Variants in STX18 observed in about 807,000 individuals in gnomAD.
STX18 encodes the protein syntaxin 18.
A neutral mutation model predicts 50.1 loss-of-function variants in STX18; 40 were observed. The ratio of observed to expected loss-of-function variants is 0.80; its 90% confidence interval spans 0.62 to 1.04. The LOEUF (loss-of-function observed/expected upper bound fraction) is 1.04. STX18 is among the 50% of genes least tolerant of loss of function. The pLI, the probability that STX18 is intolerant of heterozygous loss-of-function variation, is 0.00. For synonymous variants in STX18, 158 were observed against 151.8 expected (o/e 1.04, Z -0.30); for missense variants, 410 against 415.8 (o/e 0.99, Z 0.12).
rs142855889 is a variant in STX18, at chr4:4,541,893, T to C, written c.72A>G (p.Gly24=). 5.6e-4 allele frequency: 894 copies of C among 1,610,684 alleles called. 2 individuals are homozygous for C. The African/African-American group carries it at 9.6e-3, about 17-fold the overall frequency. Residue 24 remains glycine (G), a synonymous_variant, in exon 1 of 11, where the codon GGA becomes GGG. Coordinates refer to ENST00000306200, the MANE Select transcript of STX18 (RefSeq NM_016930.4). ...CATCGACCCCGCCGCCCACCGCCAC[T>C]CCCAGCGCCTTGTTCCGCGTCTTCA... is the stretch of plus-strand genomic sequence containing the variant. ...KTVKTRNKAL[G]VAVGGGVDGS...
intron 1 of STX18, among the ~76,000 whole-genome samples, chr4:4,519,621 G>C (rs1019679509): frequency 3.3e-5 from 5 of 152,222 alleles, no homozygotes; most frequent in African/African-American, 9.6e-5. Flanking sequence ...GAGAAGAACT[G>C]AACACTATAT....
intron 1 of STX18, among the ~76,000 whole-genome samples, chr4:4,535,542 TTCC>T (rs1218449065): frequency 1.3e-5 from 2 of 151,896 alleles, no homozygotes; most frequent in Non-Finnish European, 2.9e-5. Context: ...TTCCTAGGGG[TTCC>T]TCAAGGAGAG....
chr4:4,513,900 T>TC (rs1484699135), intron 1 of STX18, among the ~76,000 whole-genome samples: 4 of 152,170 alleles, frequency 2.6e-5, no homozygotes, highest in Non-Finnish European at 1.5e-5. Context: ...TGTGATTTCT[T>TC]CCCCTTTTAA....
chr4:4,508,865 C>T (rs1249956673), intron 1 of STX18, among the ~76,000 whole-genome samples: 3 of 152,346 alleles, frequency 2.0e-5, no homozygotes, highest in Admixed American at 1.3e-4. Context: ...CTTCCAACTC[C>T]ATCCATGTCC....
chr4:4,446,733 T>TA (rs1288901337), intron 5 of STX18, among the ~76,000 whole-genome samples: 1 of 151,538 alleles, frequency 6.6e-6, no homozygotes, highest in African/African-American at 2.4e-5. Flanking sequence ...CTGGAAAACT[T>TA]AAGACAGTTT....
At chr4:4,434,629 G>T in intron 7 of STX18, 141 bp downstream of exon 7, 1 of 636,152 alleles carries the variant, frequency 1.6e-6, no homozygotes, top group Non-Finnish European at 2.6e-6. Flanking sequence ...AAATGGGAAA[G>T]TGTATATAAA....
chr4:4,442,098 G>GT (rs1726137184), intron 5 of STX18, among the ~76,000 whole-genome samples: 1 of 152,102 alleles, frequency 6.6e-6, no homozygotes, highest in Non-Finnish European at 1.5e-5. Context: ...ACCAAGTGTG[G>GT]TATTAGAGCA....
chr4:4,433,934 C>T (rs1219063346), intron 7 of STX18, among the ~76,000 whole-genome samples: 1 of 152,344 alleles, frequency 6.6e-6, no homozygotes, highest in East Asian at 1.9e-4. Context: ...GGGCAAGACC[C>T]TTTGCTGCCT....
chr4:4,504,670 C>G (rs1434058332), intron 1 of STX18, among the ~76,000 whole-genome samples: 2 of 152,122 alleles, frequency 1.3e-5, no homozygotes, highest in African/African-American at 4.8e-5. Context: ...CTTGAACAGA[C>G]ACTTCACTAA....
intron 1 of STX18, among the ~76,000 whole-genome samples, chr4:4,508,425 G>T (rs1472685481): frequency 1.3e-5 from 2 of 152,034 alleles, no homozygotes; most frequent in Admixed American, 1.3e-4. Context: ...GTTGCACAAA[G>T]ATTATATATA....
chr4:4,507,574 T>C (rs1201079676), intron 1 of STX18: 2 of 763,740 alleles, frequency 2.6e-6, no homozygotes, highest in African/African-American at 1.7e-5. Flanking sequence ...CTGACAGCTG[T>C]GCACGACGCA....
At chr4:4,531,326 C>T (rs532098278) in intron 1 of STX18, among the ~76,000 whole-genome samples, 8 of 152,274 alleles carry the variant, frequency 5.3e-5, no homozygotes, top group Non-Finnish European at 1.0e-4. Context: ...GTACACAATA[C>T]GTGTTTCTAT....
intron 1 of STX18, among the ~76,000 whole-genome samples, chr4:4,494,043 TTTAGGATTTTATCTCAAAGTC>T (rs1729062195): frequency 6.6e-6 from 1 of 152,228 alleles, no homozygotes; most frequent in African/African-American, 2.4e-5. Context: ...GGTGGTATCC[TTTAGGATTTTATCTCAAAGTC>T]TTACACTGGG....
chr4:4,455,068 A>T (rs59766460), intron 5 of STX18, among the ~76,000 whole-genome samples: 3,745 of 152,348 alleles, frequency 0.025, 150 homozygotes, highest in African/African-American at 0.085. Context: ...CAACCTGCTC[A>T]AAGTCACACA....
At chr4:4,484,724 TC>T (rs559532338) in intron 1 of STX18, among the ~76,000 whole-genome samples, 84 of 152,250 alleles carry the variant, frequency 5.5e-4, no homozygotes, top group Non-Finnish European at 1.1e-3. Flanking sequence ...AATATTCTCC[TC>T]CCCTACCTGC....
At chr4:4,506,478 A>C (rs1167324381) in intron 1 of STX18, among the ~76,000 whole-genome samples, 1 of 152,236 alleles carries the variant, frequency 6.6e-6, no homozygotes, top group Non-Finnish European at 1.5e-5. Context: ...TGAAAAGACA[A>C]AATTATAGCA....
At chr4:4,439,241 C>CACAT (rs141764526) in intron 5 of STX18, among the ~76,000 whole-genome samples, 49,997 of 140,364 alleles carry the variant, frequency 0.36, 12,758 homozygotes, top group African/African-American at 0.74. Flanking sequence ...ACACACACAC[C>CACAT]ACATACATAT....
intron 2 of STX18, among the ~76,000 whole-genome samples, chr4:4,465,121 T>C (rs1283387292): frequency 6.6e-6 from 1 of 152,198 alleles, no homozygotes; most frequent in Non-Finnish European, 1.5e-5. Context: ...GAGATTCTGG[T>C]AAGTTTTATC....
At chr4:4,481,639 G>T (rs912793585) in intron 1 of STX18, 1 of 152,140 alleles carries the variant, frequency 6.6e-6, no homozygotes, top group Non-Finnish European at 1.5e-5. Context: ...ACTAAATTCC[G>T]AGTCTAACTC....
Sources: allele counts gnomAD v4.1 joint callset (sites outside exome capture counted in the v4.1 genomes callset), GRCh38; gene constraint gnomAD v4.1.1; transcripts MANE v1.5; gene names NCBI Gene and HGNC (gene_info 2026-07-23, HGNC 2026-07-21).